FAM3C: variants seen among roughly 807,000 people sequenced by gnomAD.
FAM3C encodes FAM3 metabolism regulating signaling molecule C.
Under a neutral mutation model 32.5 loss-of-function variants are expected in FAM3C, and 15 were observed. The observed-to-expected ratio is 0.46, with a 90% confidence interval of 0.31 to 0.71. The LOEUF (loss-of-function observed/expected upper bound fraction) is 0.71, where lower values mean the gene tolerates loss of function less well. FAM3C is among the 30% of genes least tolerant of loss of function. The probability of loss-of-function intolerance (pLI) is 0.05; values close to 1 mark genes in which losing one functional copy is unlikely to be tolerated. For synonymous variants in FAM3C, 75 were observed against 86.1 expected (o/e 0.87, Z 0.72); for missense variants, 175 against 274.4 (o/e 0.64, Z 2.56).
chr7:121,387,830 T>A (rs1181123914), intron 1 of FAM3C, among the ~76,000 whole-genome samples: 1 of 152,124 alleles, frequency 6.6e-6, no homozygotes, highest in African/African-American at 2.4e-5. Flanking sequence ...TAAATGTGCA[T>A]CTAATGCTTA....
At chr7:121,380,413 G>A (rs964578993) in intron 2 of FAM3C, 3 of 151,772 alleles carry the variant, frequency 2.0e-5, no homozygotes, top group Admixed American at 6.6e-5. Context: ...TGAAGCTGGA[G>A]GCCATTACAC....
At chr7:121,390,272 T>A (rs547819346) in intron 1 of FAM3C, among the ~76,000 whole-genome samples, 3 of 152,330 alleles carry the variant, frequency 2.0e-5, no homozygotes, top group South Asian at 2.1e-4. Context: ...ACCACATTTT[T>A]ATTTCTTAGT....
At chr7:121,373,944 C>T (rs1030504981) in intron 3 of FAM3C, among the ~76,000 whole-genome samples, 2 of 148,942 alleles carry the variant, frequency 1.3e-5, no homozygotes, top group Admixed American at 6.7e-5. Flanking sequence ...TGTGGTGAGC[C>T]GAGATTGTGC....
intron 8 of FAM3C, chr7:121,351,497 G>T: frequency 2.4e-6 from 1 of 422,020 alleles, no homozygotes. Flanking sequence ...AAAAGGACCT[G>T]TTAGGTTTTT....
At chr7:121,379,060 C>A (rs897614462) in intron 2 of FAM3C, 46 bp from the exon 3 acceptor site, 3 of 1,038,604 alleles carry the variant, frequency 2.9e-6, no homozygotes, top group Admixed American at 2.6e-5. Context: ...GCCCACAGAA[C>A]TTTTATTTTG....
At position 121,386,228 on chromosome 7, in the gene FAM3C, G is replaced by A. The variant is rs184641947; in HGVS notation, c.-41-3218C>T. ...TGTACCTACTTAATATTAACAAACAGCACTTAATTAAACCACAGGAAAATA... is the reference window on the plus strand; with the variant it reads ...TGTACCTACTTAATATTAACAAACAACACTTAATTAAACCACAGGAAAATA... On this transcript the variant is annotated intron_variant, in intron 1 of 9. Transcript: ENST00000359943. Among the ~76,000 whole-genome samples, 21 of 152,116 alleles carry A rather than the reference G, an allele frequency of 1.4e-4. No individual in the cohort carries two copies. In the East Asian group the frequency reaches 4.1e-3, roughly 29 times the overall value.
At chr7:121,385,105 AAAAAGGCCTTTGCTAG>A (rs1207501742) in intron 1 of FAM3C, among the ~76,000 whole-genome samples, 5 of 152,176 alleles carry the variant, frequency 3.3e-5, no homozygotes, top group Non-Finnish European at 7.3e-5. Context: ...GTAAAGGGAG[AAAAAGGCCTTTGCTAG>A]AAATTCAGAA....
intron 5 of FAM3C, among the ~76,000 whole-genome samples, chr7:121,365,865 T>C (rs545527066): frequency 5.3e-5 from 8 of 152,072 alleles, no homozygotes; most frequent in Non-Finnish European, 1.0e-4. Context: ...AATTCAATTA[T>C]AAAGAAACAA....
intron 2 of FAM3C, among the ~76,000 whole-genome samples, chr7:121,381,742 GTTC>G (rs78629235): frequency 0.035 from 5,298 of 151,210 alleles, 186 homozygotes; most frequent in South Asian, 0.14. Flanking sequence ...CCACAAACAA[GTTC>G]TTCGTTTCTG....
At chr7:121,370,910 G>A (rs989329063) in intron 5 of FAM3C, among the ~76,000 whole-genome samples, 2 of 152,170 alleles carry the variant, frequency 1.3e-5, no homozygotes, top group African/African-American at 4.8e-5. Context: ...CTGAACACCT[G>A]AACTGCGGTG....
At chr7:121,365,648 CTT>C (rs1027411909) in intron 5 of FAM3C, among the ~76,000 whole-genome samples, 1 of 152,004 alleles carries the variant, frequency 6.6e-6, no homozygotes, top group Admixed American at 6.6e-5. Flanking sequence ...ATAAAATAGA[CTT>C]AAACCCTCAT....
intron 3 of FAM3C, among the ~76,000 whole-genome samples, chr7:121,375,338 T>G (rs577420527): frequency 1.2e-4 from 19 of 152,176 alleles, no homozygotes; most frequent in Non-Finnish European, 2.6e-4. Context: ...AGGAGGGGAT[T>G]TGAAGCTGCA....
At chr7:121,383,676 C>T (rs1794406499) in intron 1 of FAM3C, among the ~76,000 whole-genome samples, 1 of 152,090 alleles carries the variant, frequency 6.6e-6, no homozygotes, top group South Asian at 2.1e-4. Context: ...TTTGATATTA[C>T]TGTAAGATCA....
chr7:121,365,990 A>C (rs2116902073), intron 5 of FAM3C, among the ~76,000 whole-genome samples: 1 of 152,294 alleles, frequency 6.6e-6, no homozygotes, highest in Admixed American at 6.5e-5. Context: ...GGGAAATGCA[A>C]ATGAGATTTC....
chr7:121,383,192 G>A (rs1794393346), intron 1 of FAM3C, among the ~76,000 whole-genome samples, 182 bp from the exon 2 acceptor site: 1 of 151,770 alleles, frequency 6.6e-6, no homozygotes, highest in African/African-American at 2.4e-5. Context: ...AGACCTCAAG[G>A]AGGGTCTGTC....
At chr7:121,359,958 A>C in intron 8 of FAM3C, 85 bp downstream of exon 8, 1 of 745,716 alleles carries the variant, frequency 1.3e-6, no homozygotes, top group Non-Finnish European at 2.3e-6. Context: ...ACTTTGCTCT[A>C]TGTTACAGAT....
chr7:121,394,655 A>G (rs970850497), intron 1 of FAM3C, among the ~76,000 whole-genome samples: 2 of 152,226 alleles, frequency 1.3e-5, no homozygotes, highest in Non-Finnish European at 2.9e-5. Context: ...TTGAGAAAAC[A>G]TTACAAGAAT....
In FAM3C at chr7:121,350,512, T is replaced by A. The variant is rs772223536; in HGVS notation, c.633A>T (p.Gly211=). Residue 211 remains glycine (G), a synonymous_variant, in exon 10 of 10, where the codon GGA becomes GGT. Coordinates refer to ENST00000359943, the MANE Select transcript of FAM3C (RefSeq NM_014888.3). ...CTTCCATTTCTACAACTTCAGGCCA[T>A]CCTTCATATTTGTTTGTATCCTTAT... ...KNNKDTNKYE[G]WPEVVEMEGC... 13 of 1,612,934 alleles carry A rather than the reference T, an allele frequency of 8.1e-6. No homozygotes were observed. The highest frequency in any genetic ancestry group is 1.0e-5 in the Non-Finnish European group (12 of 1,179,386).
At chr7:121,367,714 C>T (rs1247578131) in intron 5 of FAM3C, among the ~76,000 whole-genome samples, 3 of 152,090 alleles carry the variant, frequency 2.0e-5, no homozygotes, top group Admixed American at 6.5e-5. Flanking sequence ...AACCTGTAAT[C>T]CCAGCACTTT....
Sources: allele counts gnomAD v4.1 joint callset (sites outside exome capture counted in the v4.1 genomes callset), GRCh38; gene constraint gnomAD v4.1.1; transcripts MANE v1.5; gene names NCBI Gene and HGNC (gene_info 2026-07-23, HGNC 2026-07-21).